Variants in ARB2A observed in about 807,000 individuals in gnomAD.
The protein encoded by ARB2A is ARB2 cotranscriptional regulator A.
chr5:93,853,300 T>C, the ARB2A span, among the ~76,000 whole-genome samples: 1 of 152,240 alleles, frequency 6.6e-6, no homozygotes, highest in Non-Finnish European at 1.5e-5. Context: ...TTTTTGTACA[T>C]TGATTTTGTA....
At chr5:94,089,043 G>A in the ARB2A span, among the ~76,000 whole-genome samples, 1 of 152,124 alleles carries the variant, frequency 6.6e-6, no homozygotes, top group Non-Finnish European at 1.5e-5. Context: ...TCCAAAATAA[G>A]GTGAAAAAGG....
chr5:93,864,394 T>C, the ARB2A span, among the ~76,000 whole-genome samples: 1,230 of 152,226 alleles, frequency 8.1e-3, 11 homozygotes, highest in African/African-American at 0.029. Context: ...ATATGTTTGA[T>C]TAGCTTCATT....
chr5:93,797,627 T>C, the ARB2A span, among the ~76,000 whole-genome samples: 3 of 152,136 alleles, frequency 2.0e-5, no homozygotes, highest in African/African-American at 7.2e-5. Flanking sequence ...AATTACTTCA[T>C]TTACATTTTC....
At chr5:94,081,316 T>C in the ARB2A span, among the ~76,000 whole-genome samples, 2 of 152,202 alleles carry the variant, frequency 1.3e-5, no homozygotes, top group African/African-American at 2.4e-5. Context: ...AGTTACCATA[T>C]GACCCAGCAA....
the ARB2A span, chr5:93,737,887 GA>G: frequency 2.3e-6 from 1 of 440,914 alleles, no homozygotes; most frequent in Non-Finnish European, 4.5e-6. Context: ...AAAATTCATA[GA>G]AGAAAACACA....
At chr5:93,644,558 GA>G in the ARB2A span, among the ~76,000 whole-genome samples, 1 of 152,122 alleles carries the variant, frequency 6.6e-6, no homozygotes. Flanking sequence ...GACTCAAATA[GA>G]AAACATTTCT....
chr5:93,963,979 A>G, the ARB2A span, among the ~76,000 whole-genome samples: 2 of 152,032 alleles, frequency 1.3e-5, no homozygotes, highest in African/African-American at 2.4e-5. Context: ...AAAGGGAAGG[A>G]GCAGGGTTAT....
the ARB2A span, among the ~76,000 whole-genome samples, chr5:94,075,105 A>G: frequency 1.3e-5 from 2 of 152,076 alleles, no homozygotes; most frequent in Admixed American, 1.3e-4. Context: ...CCTATCACCT[A>G]ATGTTTTTAA....
At chr5:93,658,020 C>T in the ARB2A span, among the ~76,000 whole-genome samples, 1 of 152,048 alleles carries the variant, frequency 6.6e-6, no homozygotes, top group East Asian at 1.9e-4. Context: ...CTATATTAGA[C>T]AAGTACAAGG....
At chr5:93,964,064 T>A in the ARB2A span, among the ~76,000 whole-genome samples, 1 of 152,020 alleles carries the variant, frequency 6.6e-6, no homozygotes, top group African/African-American at 2.4e-5. Context: ...ATAAGACATA[T>A]TTTTAAAAAC....
chr5:93,703,595 G>C, the ARB2A span, among the ~76,000 whole-genome samples: 1 of 152,204 alleles, frequency 6.6e-6, no homozygotes, highest in Non-Finnish European at 1.5e-5. Flanking sequence ...GAATCAATAA[G>C]AGGCAGAATG....
the ARB2A span, among the ~76,000 whole-genome samples, chr5:94,089,023 T>A: frequency 6.6e-6 from 1 of 152,184 alleles, no homozygotes; most frequent in African/African-American, 2.4e-5. Context: ...ATAATGATTT[T>A]CCTTGTTTTT....
chr5:93,879,913 T>C, the ARB2A span, among the ~76,000 whole-genome samples: 1 of 151,918 alleles, frequency 6.6e-6, no homozygotes, highest in Non-Finnish European at 1.5e-5. Flanking sequence ...TTCTGGAATC[T>C]GGATATCAGA....
the ARB2A span, among the ~76,000 whole-genome samples, chr5:93,916,450 T>G: frequency 6.6e-6 from 1 of 152,196 alleles, no homozygotes; most frequent in East Asian, 1.9e-4. Flanking sequence ...GTATTATCTA[T>G]GCTCTACCAA....
the ARB2A span, among the ~76,000 whole-genome samples, chr5:93,714,973 A>C: frequency 6.6e-6 from 1 of 152,184 alleles, no homozygotes; most frequent in African/African-American, 2.4e-5. Flanking sequence ...TGCATCAAGA[A>C]TTCCTGTTTT....
chr5:93,853,319 CTT>C, the ARB2A span, among the ~76,000 whole-genome samples: 1 of 152,170 alleles, frequency 6.6e-6, no homozygotes, highest in Non-Finnish European at 1.5e-5. Flanking sequence ...TATCCTGAGA[CTT>C]TGCTGAAGTT....
the ARB2A span, among the ~76,000 whole-genome samples, chr5:94,014,537 T>C: frequency 2.0e-5 from 3 of 152,068 alleles, no homozygotes; most frequent in Non-Finnish European, 2.9e-5. Context: ...TTTCCCCAAA[T>C]AGACAAATCA....
chr5:93,895,713 G>A, the ARB2A span, among the ~76,000 whole-genome samples: 1 of 151,922 alleles, frequency 6.6e-6, no homozygotes, highest in Non-Finnish European at 1.5e-5. Flanking sequence ...AGAAATCATT[G>A]AACAAAGTAA....
At chr5:93,817,537 A>G in the ARB2A span, among the ~76,000 whole-genome samples, 1 of 152,190 alleles carries the variant, frequency 6.6e-6, no homozygotes, top group Non-Finnish European at 1.5e-5. Flanking sequence ...AACAGAATGA[A>G]CAAAGTTGGA....
Sources: allele counts gnomAD v4.1 joint callset (sites outside exome capture counted in the v4.1 genomes callset), GRCh38; gene constraint gnomAD v4.1.1; transcripts MANE v1.5; gene names NCBI Gene and HGNC (gene_info 2026-07-23, HGNC 2026-07-21).